The following PHF7 variants were observed in gnomAD, a reference collection of about 807,000 sequenced individuals.
The protein encoded by PHF7 is E3 ubiquitin-protein ligase PHF7.
PHF7 carries 24 observed loss-of-function variants against 47.5 expected under a neutral mutation model. The ratio of observed to expected loss-of-function variants is 0.51; its 90% CI spans 0.37 to 0.71. The LOEUF is 0.71. Ranked by LOEUF, PHF7 falls within the 30% of genes least tolerant of loss-of-function variation. The pLI, the probability that PHF7 is intolerant of heterozygous loss-of-function variation, is 0.00. For synonymous variants in PHF7, 156 were observed against 153.8 expected (o/e 1.01, Z -0.11); for missense variants, 361 against 456.8 (o/e 0.79, Z 1.91).
chr3:52,415,156 A>AT (rs1202479657), intron 4 of PHF7, among the ~76,000 whole-genome samples: 1 of 152,056 alleles, frequency 6.6e-6, no homozygotes, highest in African/African-American at 2.4e-5. Flanking sequence ...TTTTCCCAGT[A>AT]TTTTTTTATT....
intron 2 of PHF7, among the ~76,000 whole-genome samples, chr3:52,413,506 A>C (rs779406898): frequency 1.2e-4 from 18 of 152,160 alleles, no homozygotes; most frequent in Non-Finnish European, 2.4e-4. Context: ...TCCTGCCCTC[A>C]AATAACTCAG....
chr3:52,422,241 G>A lies in PHF7; in HGVS notation c.700G>A (p.Glu234Lys), dbSNP rs1251535093. The A allele has an allele frequency of 3.7e-6, 6 of 1,613,108 alleles. No homozygotes were observed. Among genetic ancestry groups the A allele is most frequent in the East Asian group, 2.2e-5 (1 of 44,878 alleles). ...IPDRDAAWEL[E>K]PGAFSDLYQR... ...CTGCAGAGATGCTGCCTGGGAACTCGAGCCAGGGGCTTTCTCAGACTTATA... is the reference window on the plus strand; with the variant it reads ...CTGCAGAGATGCTGCCTGGGAACTCAAGCCAGGGGCTTTCTCAGACTTATA... Residue 234 changes from glutamate to lysine, a missense_variant, in exon 9 of 11, where the codon GAG becomes AAG. Coordinates refer to ENST00000327906, the MANE Select transcript of PHF7 (RefSeq NM_016483.7).
chr3:52,419,981 A>T (rs1705738811), intron 5 of PHF7, 47 bp downstream of exon 5: 1 of 1,031,130 alleles, frequency 9.7e-7, no homozygotes, highest in Non-Finnish European at 1.5e-6. Flanking sequence ...CTCTTTTCAT[A>T]CCTCACCCAT....
At chr3:52,419,418 C>A (rs1329780025) in intron 4 of PHF7, among the ~76,000 whole-genome samples, 1 of 151,712 alleles carries the variant, frequency 6.6e-6, no homozygotes, top group African/African-American at 2.4e-5. Context: ...TATATTCCAC[C>A]AAGCTCTGTT....
chr3:52,423,224 A>G lies in PHF7; in HGVS notation c.1053A>G (p.Leu351=). 1 of 1,614,132 alleles carries G rather than the reference A, an allele frequency of 6.2e-7. No homozygotes were observed. Among genetic ancestry groups the G allele is most frequent in the Non-Finnish European group, 8.5e-7 (1 of 1,179,968 alleles). ...LSWTDWPEPS[L]LEKPESSRGR... is the part of the protein sequence containing the mutation. ...GGACTGATTGGCCAGAACCTTCCTT[A>G]TTAGAAAAGCCAGAGTCCTCTCGTG... The change falls in exon 11 of 11, where the codon TTA becomes TTG. Residue 351 remains leucine (L), a synonymous_variant. Coordinates refer to ENST00000327906, the MANE Select transcript of PHF7 (RefSeq NM_016483.7).
chr3:52,414,439 T>G, intron 3 of PHF7, 57 bp from the exon 4 acceptor site: 3 of 956,522 alleles, frequency 3.1e-6, no homozygotes, highest in Non-Finnish European at 5.1e-6. Flanking sequence ...ATTCTCACCC[T>G]TCTCTTCCAT....
intron 8 of PHF7, 82 bp downstream of exon 8, chr3:52,421,836 T>A (rs1192190460): frequency 1.3e-6 from 1 of 762,626 alleles, no homozygotes; most frequent in Non-Finnish European, 2.4e-6. Flanking sequence ...AGAGGATAGT[T>A]CAGAGAATGA....
intron 4 of PHF7, among the ~76,000 whole-genome samples, chr3:52,418,984 TA>T (rs1250150143): frequency 6.6e-6 from 1 of 151,988 alleles, no homozygotes; most frequent in Non-Finnish European, 1.5e-5. Context: ...TTTGTATTTT[TA>T]GTAGAGACAG....
At chr3:52,416,878 G>A (rs1042290190) in intron 4 of PHF7, among the ~76,000 whole-genome samples, 9 of 151,690 alleles carry the variant, frequency 5.9e-5, no homozygotes, top group South Asian at 2.1e-4. Context: ...TGAGTTGTAG[G>A]AATTGCTTAT....
At chr3:52,413,234 T>C (rs750394586) in intron 2 of PHF7, among the ~76,000 whole-genome samples, 4 of 152,226 alleles carry the variant, frequency 2.6e-5, no homozygotes, top group Non-Finnish European at 5.9e-5. Flanking sequence ...ATGTACTTTT[T>C]AGAGTGTTCT....
At chr3:52,421,535 G>A in intron 7 of PHF7, 113 bp from the exon 8 acceptor site, 1 of 716,720 alleles carries the variant, frequency 1.4e-6, no homozygotes, top group East Asian at 2.8e-5. Context: ...TCCTTTTCCT[G>A]TACCCTCAAA....
chr3:52,423,542 T>A lies in PHF7; in HGVS notation c.*225T>A. 1 of 450,606 alleles carries A rather than the reference T, an allele frequency of 2.2e-6. No individual in the cohort carries two copies. The highest frequency in any genetic ancestry group is 3.4e-5 in the South Asian group (1 of 29,232). 27.9% of individuals were successfully genotyped at this position (450,606 alleles called of 1,614,324 possible). A position where few individuals can be genotyped will look rare whatever the true frequency, so the allele number is the denominator to read the frequency against. ...CAAGAGTGCCTCTGCTTTCTCCTCCTCTCCTCCCACCAAGGATTCTTCCAC... is the reference window on the plus strand; with the variant it reads ...CAAGAGTGCCTCTGCTTTCTCCTCCACTCCTCCCACCAAGGATTCTTCCAC... On this transcript the variant is annotated 3_prime_UTR_variant, in exon 11 of 11. Coordinates refer to ENST00000327906, the MANE Select transcript of PHF7 (RefSeq NM_016483.7).
At chr3:52,417,773 C>A (rs78612026) in intron 4 of PHF7, among the ~76,000 whole-genome samples, 216 of 152,258 alleles carry the variant, frequency 1.4e-3, no homozygotes, top group African/African-American at 5.0e-3. Flanking sequence ...CCTTTTATTT[C>A]TTCTTGCCTT....
chr3:52,420,970 A>G lies in PHF7; in HGVS notation c.481A>G (p.Ile161Val). 6.2e-7 allele frequency: 1 copy of G among 1,613,864 alleles called. No individual in the cohort carries two copies. Among genetic ancestry groups the G allele is most frequent in the Non-Finnish European group, 8.5e-7 (1 of 1,179,822 alleles). Residue 161 changes from isoleucine (I) to valine (V), a missense_variant, in exon 7 of 11, where the codon ATC (isoleucine) becomes GTC (valine). Transcript: ENST00000327906. The stretch of plus-strand genomic sequence containing the variant: ...TGGGCATGTGGGGGAGGAAAGCTGC[A>G]TCTTATGTTGTGAAGACTTATCCCA... ...QHGHVGEESC[I>V]LCCEDLSQQS...
chr3:52,419,683 G>A (rs991933380), intron 4 of PHF7, 150 bp from the exon 5 acceptor site: 3 of 666,262 alleles, frequency 4.5e-6, no homozygotes, highest in South Asian at 3.1e-5. Context: ...CGCCCGCCTC[G>A]GCCTCCCAAA....
At chr3:52,420,047 G>A (rs1705740494) in intron 5 of PHF7, 113 bp downstream of exon 5, 10 of 763,136 alleles carry the variant, frequency 1.3e-5, no homozygotes, top group South Asian at 1.2e-4. Context: ...AAGGACTCTT[G>A]GATTTTCCAA....
chr3:52,414,646 C>T, intron 4 of PHF7, 59 bp downstream of exon 4: 1 of 925,866 alleles, frequency 1.1e-6, no homozygotes, highest in Non-Finnish European at 1.7e-6. Context: ...ACTGACTGTT[C>T]TCTGTTACAT....
Position 52,420,118 on chromosome 3 carries a change from A to G in PHF7, c.288+184A>G, listed in dbSNP as rs1205559180. 6.4e-6 allele frequency: 5 copies of G among 784,406 alleles called. No homozygotes were observed. The East Asian group carries it at 1.0e-4, about 16-fold the overall frequency. 48.6% of individuals were successfully genotyped at this position (784,406 alleles called of 1,614,324 possible). Reference sequence around the variant, plus strand: ...GTGTCCTAAGTGAGAAGAGGGAGAAACATCTTGAGAAAATAGGAAAGAACT... The same window carrying G: ...GTGTCCTAAGTGAGAAGAGGGAGAAGCATCTTGAGAAAATAGGAAAGAACT... On this transcript the variant is annotated intron_variant, in intron 5 of 10. Transcript: ENST00000327906.
chr3:52,423,341 C>A lies in PHF7; in HGVS notation c.*24C>A, dbSNP rs1351226108. 3 of 1,469,630 alleles carry A rather than the reference C, an allele frequency of 2.0e-6. No homozygotes were observed. The highest frequency in any genetic ancestry group is 4.5e-5 in the East Asian group (2 of 44,250). 91.0% of individuals were successfully genotyped at this position (1,469,630 alleles called of 1,614,324 possible). A position where few individuals can be genotyped will look rare whatever the true frequency, so the allele number is the denominator to read the frequency against. On this transcript the variant is annotated 3_prime_UTR_variant, in exon 11 of 11. Coordinates refer to ENST00000327906, the MANE Select transcript of PHF7 (RefSeq NM_016483.7). ...AACACCTTCTGAGTAGCTGCTGTCC[C>A]ACACAATAGGGTATGAAGCTGCGCT...
Sources: allele counts gnomAD v4.1 joint callset (sites outside exome capture counted in the v4.1 genomes callset), GRCh38; gene constraint gnomAD v4.1.1; transcripts MANE v1.5; gene names NCBI Gene and HGNC (gene_info 2026-07-23, HGNC 2026-07-21).